PRLR: variants seen among roughly 807,000 people sequenced by gnomAD.
PRLR encodes the protein hPRL receptor.
PRLR carries 13 observed loss-of-function variants against 40.2 expected under a neutral mutation model. The observed-to-expected ratio is 0.32, with a 90% CI of 0.21 to 0.51. The LOEUF (loss-of-function observed/expected upper bound fraction) is 0.51, where lower values mean the gene tolerates loss of function less well. Ranked by LOEUF, PRLR falls within the 20% of genes least tolerant of loss-of-function variation. The pLI is 0.97. For synonymous variants in PRLR, 269 were observed against 278.7 expected (o/e 0.97, Z 0.35); for missense variants, 656 against 747.3 (o/e 0.88, Z 1.42).
intron 2 of PRLR, among the ~76,000 whole-genome samples, chr5:35,102,486 GTCTCCTCTCCACTCCTCTCC>G (rs1270676714): frequency 2.7e-4 from 24 of 89,482 alleles, no homozygotes; most frequent in Middle Eastern, 6.3e-3. Context: ...GTCCCGTCCC[GTCTCCTCTCCACTCCTCTCC>G]TCTCCTCTCC....
intron 2 of PRLR, among the ~76,000 whole-genome samples, chr5:35,112,366 G>A (rs749536346): frequency 1.5e-4 from 23 of 152,214 alleles, no homozygotes; most frequent in Admixed American, 2.0e-4. Context: ...TTAAAAAGGC[G>A]TTTAATAAAT....
At chr5:35,102,037 C>T (rs1279018124) in intron 2 of PRLR, among the ~76,000 whole-genome samples, 1 of 151,914 alleles carries the variant, frequency 6.6e-6, no homozygotes, top group Admixed American at 6.6e-5. Flanking sequence ...ACCCTGTTGG[C>T]CGGGGTGGTC....
chr5:35,170,423 G>A (rs774886436), intron 1 of PRLR, among the ~76,000 whole-genome samples: 1 of 152,198 alleles, frequency 6.6e-6, no homozygotes, highest in Non-Finnish European at 1.5e-5. Context: ...TAGAAATAAA[G>A]GCAGGAGGAT....
intron 1 of PRLR, among the ~76,000 whole-genome samples, chr5:35,123,653 C>T (rs1397990605): frequency 1.3e-5 from 2 of 152,250 alleles, no homozygotes; most frequent in Admixed American, 6.5e-5. Flanking sequence ...TAACTGGTCC[C>T]GTGGTCCTTG....
chr5:35,090,791 CTTTTTTTTTTTTTTTTTTTTTTTTTT>C (rs554800498), intron 2 of PRLR, among the ~76,000 whole-genome samples: 1 of 59,138 alleles, frequency 1.7e-5, no homozygotes, highest in Non-Finnish European at 3.8e-5. Flanking sequence ...TCAATTAGCT[CTTTTTTTTTTTTTTTTTTTTTTTTTT>C]TTTTTTTTTT....
At chr5:35,154,624 C>T (rs983161266) in intron 1 of PRLR, among the ~76,000 whole-genome samples, 25 of 152,098 alleles carry the variant, frequency 1.6e-4, no homozygotes, top group African/African-American at 5.6e-4. Context: ...CTTGACCCAG[C>T]AATTCCCTTA....
Position 35,064,897 on chromosome 5 carries a change from C to T in PRLR, c.*192G>A, listed in dbSNP as rs1769256453. 9.5e-6 allele frequency: 6 copies of T among 632,658 alleles called. No individual in the cohort carries two copies. The South Asian group carries it at 1.4e-4, about 14-fold the overall frequency. The allele number at this position is 632,658 out of a possible 1,614,324, so 39.2% of individuals were successfully genotyped here. A position where few individuals can be genotyped will look rare whatever the true frequency, so the allele number is the denominator to read the frequency against. Reference sequence around the variant, plus strand: ...CAGCAAAAAGTAAATCTACAAATCACAGTTAGGAAACATAATGATTTGTTC... The same window carrying T: ...CAGCAAAAAGTAAATCTACAAATCATAGTTAGGAAACATAATGATTTGTTC... On this transcript the variant is annotated 3_prime_UTR_variant, in exon 10 of 10. Coordinates refer to ENST00000618457, the MANE Select transcript of PRLR (RefSeq NM_000949.7).
chr5:35,137,692 A>C (rs544491133), intron 1 of PRLR, among the ~76,000 whole-genome samples: 1 of 152,376 alleles, frequency 6.6e-6, no homozygotes, highest in South Asian at 2.1e-4. Context: ...ACAAGAAAAG[A>C]GATATGGAAA....
chr5:35,189,967 T>A (rs1394073886), intron 1 of PRLR, among the ~76,000 whole-genome samples: 1 of 152,178 alleles, frequency 6.6e-6, no homozygotes, highest in Non-Finnish European at 1.5e-5. Context: ...GTTTTCCTGC[T>A]GGAGCACAGG....
intron 1 of PRLR, among the ~76,000 whole-genome samples, chr5:35,191,048 CTTTTTTTTTTTTTT>C (rs869174221): frequency 1.5e-5 from 1 of 68,114 alleles, no homozygotes. Context: ...GTGTTATTTT[CTTTTTTTTTTTTTT>C]TTTTTTTTTT....
At chr5:35,222,220 T>C (rs1353657509) in intron 1 of PRLR, among the ~76,000 whole-genome samples, 1 of 152,016 alleles carries the variant, frequency 6.6e-6, no homozygotes, top group Non-Finnish European at 1.5e-5. Flanking sequence ...GGAGACTAGC[T>C]TGAACCCGGG....
At chr5:35,221,021 T>C (rs1776403159) in intron 1 of PRLR, among the ~76,000 whole-genome samples, 1 of 152,332 alleles carries the variant, frequency 6.6e-6, no homozygotes, top group South Asian at 2.1e-4. Context: ...CAAATCCAAA[T>C]TTATGAGTAC....
intron 1 of PRLR, among the ~76,000 whole-genome samples, chr5:35,196,543 A>C (rs899158754): frequency 5.9e-5 from 9 of 152,172 alleles, no homozygotes; most frequent in African/African-American, 2.2e-4. Flanking sequence ...GGCAGGGGAC[A>C]GGTTTGGACC....
chr5:35,115,714 G>T (rs1158122764), intron 2 of PRLR, among the ~76,000 whole-genome samples: 3 of 151,946 alleles, frequency 2.0e-5, no homozygotes, highest in African/African-American at 7.3e-5. Flanking sequence ...GGCAAAGACA[G>T]TTTGTTCCAC....
In PRLR at chr5:35,072,598, G is replaced by A. The variant is rs1769820875; in HGVS notation, c.520C>T (p.Pro174Ser). The A allele has an allele frequency of 6.2e-7, 1 of 1,613,996 alleles. No individual in the cohort carries two copies. Residue 174 changes from proline to serine, a missense_variant, in exon 6 of 10, where the codon CCC (proline) becomes TCC (serine). By Grantham distance (74) the Pro-to-Ser change is moderately conservative (BLOSUM62 -1). Around this residue, in one of 3 missense-constraint regions of PRLR, gnomAD observed 180 missense variants for 236.8 expected, o/e 0.76. Transcript: ENST00000618457. The part of the protein sequence containing the change: ...FTLLYEIRLK[P>S]EKAAEWEIHF... ...ACCTCCCACTCAGCTGCTTTCTCGGGTTTTAATCGAATTTCATACAGGAGC... is the reference window on the plus strand; with the variant it reads ...ACCTCCCACTCAGCTGCTTTCTCGGATTTTAATCGAATTTCATACAGGAGC...
downstream of PRLR, among the ~76,000 whole-genome samples, chr5:35,053,419 G>A (rs1437056392): frequency 1.3e-5 from 2 of 152,170 alleles, no homozygotes; most frequent in East Asian, 3.9e-4. Context: ...TTGGGAGGCC[G>A]AGGCCGGCGG....
chr5:35,049,159 G>T (rs1456735349), exon 9 of PRLR: 1 of 699,158 alleles, frequency 1.4e-6, no homozygotes, highest in Non-Finnish European at 2.6e-6. Flanking sequence ...GTCACGTGCT[G>T]CAGGAGTAAT....
intron 1 of PRLR, 62 bp from the exon 2 acceptor site, chr5:35,118,184 C>A: frequency 1.2e-6 from 1 of 861,458 alleles, no homozygotes; most frequent in Non-Finnish European, 1.4e-6. Flanking sequence ...CCATTTCTGG[C>A]TCACTCTGCA....
chr5:35,162,087 T>C (rs918967120), intron 1 of PRLR, among the ~76,000 whole-genome samples: 1 of 152,228 alleles, frequency 6.6e-6, no homozygotes, highest in Admixed American at 6.5e-5. Context: ...CAATGAGTCC[T>C]GTGCATCAAG....
Sources: gnomAD v4.1 joint callset for allele counts (sites outside exome capture counted in the v4.1 genomes callset) on GRCh38, gnomAD v4.1.1 for gene constraint, gnomAD v4.1.1 regional missense constraint, MANE v1.5 for transcripts, NCBI Gene and HGNC (gene_info 2026-07-23, HGNC 2026-07-21) for gene names.